Variants in TM9SF2 observed in about 807,000 individuals in gnomAD.
TM9SF2 encodes 76 kDa membrane protein.
Under a neutral mutation model 84.9 loss-of-function variants are expected in TM9SF2, and 13 were observed. The ratio of observed to expected loss-of-function variants is 0.15; its 90% CI spans 0.10 to 0.24. The LOEUF is 0.24. TM9SF2 is among the 10% of genes least tolerant of loss of function. TM9SF2 has a pLI of 1.00. For synonymous variants in TM9SF2, 273 were observed against 285.8 expected (o/e 0.96, Z 0.45); for missense variants, 562 against 818.5 (o/e 0.69, Z 3.82).
At chr13:99,537,257 C>T (rs2046238782) in intron 5 of TM9SF2, among the ~76,000 whole-genome samples, 1 of 152,028 alleles carries the variant, frequency 6.6e-6, no homozygotes, top group South Asian at 2.1e-4. Context: ...ATTTAAATCT[C>T]TTAATGGATC....
chr13:99,531,415 C>T (rs932703535), intron 4 of TM9SF2, among the ~76,000 whole-genome samples: 5 of 152,224 alleles, frequency 3.3e-5, no homozygotes, highest in South Asian at 4.2e-4. Context: ...GGTTAGGAAC[C>T]GTGGATCTCA....
intron 15 of TM9SF2, among the ~76,000 whole-genome samples, chr13:99,558,205 A>T (rs1047537081): frequency 6.6e-6 from 1 of 152,234 alleles, no homozygotes; most frequent in Admixed American, 6.5e-5. Flanking sequence ...CCTGTACCAC[A>T]CTATTTTGAT....
Position 99,562,787 on chromosome 13 carries a change from A to C in TM9SF2, c.*29A>C. 3.7e-6 allele frequency: 6 copies of C among 1,600,620 alleles called. No individual in the cohort carries two copies. The highest frequency in any genetic ancestry group is 5.1e-6 in the Non-Finnish European group (6 of 1,173,766). ...AGTCCAGTGTGTCCAGTTAAAACAG[A>C]AATAAATTAAACTCTTCATCAACAA... is the stretch of plus-strand genomic sequence containing the variant. On this transcript the variant is annotated 3_prime_UTR_variant, in exon 17 of 17. Transcript: ENST00000376387.
intron 10 of TM9SF2, among the ~76,000 whole-genome samples, chr13:99,545,042 T>G (rs927450645): frequency 6.6e-6 from 1 of 152,204 alleles, no homozygotes; most frequent in African/African-American, 2.4e-5. Flanking sequence ...TTAATGTATT[T>G]TACTTTATTG....
chr13:99,546,802 A>T (rs2046284573), intron 10 of TM9SF2, among the ~76,000 whole-genome samples, 183 bp from the exon 11 acceptor site: 1 of 152,120 alleles, frequency 6.6e-6, no homozygotes, highest in South Asian at 2.1e-4. Flanking sequence ...CTCATGTATG[A>T]TCAGATTGGT....
chr13:99,546,353 A>G (rs2046282454), intron 10 of TM9SF2, among the ~76,000 whole-genome samples: 1 of 152,216 alleles, frequency 6.6e-6, no homozygotes. Flanking sequence ...AATATAATAT[A>G]GCATTTTAAT....
At chr13:99,502,666 A>C (rs756055677) in intron 1 of TM9SF2, among the ~76,000 whole-genome samples, 1 of 152,240 alleles carries the variant, frequency 6.6e-6, no homozygotes, top group East Asian at 1.9e-4. Flanking sequence ...GTAGGGCTTT[A>C]CAGTATACAT....
At chr13:99,555,017 C>G (rs537093506) in intron 14 of TM9SF2, among the ~76,000 whole-genome samples, 39 of 152,242 alleles carry the variant, frequency 2.6e-4, no homozygotes, top group African/African-American at 9.1e-4. Context: ...GTGTGTATAT[C>G]TATATATAGT....
chr13:99,539,756 A>G (rs2046250329), intron 7 of TM9SF2, among the ~76,000 whole-genome samples, 199 bp downstream of exon 7: 1 of 152,228 alleles, frequency 6.6e-6, no homozygotes, highest in South Asian at 2.1e-4. Flanking sequence ...ATATAGAGGA[A>G]GTTGAAGACT....
chr13:99,508,694 A>G (rs529862757), intron 1 of TM9SF2, among the ~76,000 whole-genome samples: 1 of 152,298 alleles, frequency 6.6e-6, no homozygotes, highest in East Asian at 1.9e-4. Context: ...AGGAGCAGGC[A>G]TGTCACATGG....
intron 12 of TM9SF2, among the ~76,000 whole-genome samples, chr13:99,549,505 C>T (rs546282814): frequency 6.6e-6 from 1 of 152,114 alleles, no homozygotes; most frequent in Non-Finnish European, 1.5e-5. Flanking sequence ...ACATGTTGTT[C>T]TGTAGGCTGC....
chr13:99,551,681 G>A (rs1456039464), intron 12 of TM9SF2, among the ~76,000 whole-genome samples: 1 of 152,194 alleles, frequency 6.6e-6, no homozygotes, highest in Admixed American at 6.5e-5. Flanking sequence ...ACATTTAGAT[G>A]TTTGGGTTCA....
chr13:99,543,994 A>T lies in TM9SF2; in HGVS notation c.1149A>T (p.Leu383=). Residue 383 remains leucine, a splice_region_variant and synonymous_variant, in exon 10 of 17, where the codon CTA becomes CTT. Coordinates refer to ENST00000376387, the MANE Select transcript of TM9SF2 (RefSeq NM_004800.3). The part of the protein sequence containing the change: ...TQILIMTFVT[L]FFACLGFLSP... ...TTTTAATTATGACCTTTGTGACTCT[A>T]TGTAAGTGTTAACTGAAAATTTTCA... The T allele has an allele frequency of 6.2e-7, 1 of 1,612,222 alleles. No homozygotes were observed. The highest frequency in any genetic ancestry group is 8.5e-7 in the Non-Finnish European group (1 of 1,179,432).
chr13:99,538,347 A>G (rs1364092893), intron 6 of TM9SF2, among the ~76,000 whole-genome samples: 1 of 152,034 alleles, frequency 6.6e-6, no homozygotes, highest in Non-Finnish European at 1.5e-5. Flanking sequence ...GAACGTACAT[A>G]TCAGTTATTT....
intron 1 of TM9SF2, among the ~76,000 whole-genome samples, chr13:99,504,786 G>T (rs2046081660): frequency 1.3e-5 from 2 of 151,992 alleles, no homozygotes. Context: ...TATTTTACAT[G>T]TGCGTGCATT....
At chr13:99,505,405 T>A (rs867842415) in intron 1 of TM9SF2, among the ~76,000 whole-genome samples, 1 of 152,356 alleles carries the variant, frequency 6.6e-6, no homozygotes, top group Middle Eastern at 3.4e-3. Flanking sequence ...TTCACCCACT[T>A]CAGCCTCCCA....
chr13:99,540,330 TG>T (rs1212113052), intron 7 of TM9SF2, among the ~76,000 whole-genome samples: 2 of 151,616 alleles, frequency 1.3e-5, no homozygotes, highest in African/African-American at 4.9e-5. Flanking sequence ...CTGGAATGAC[TG>T]GTCTGGTTAG....
chr13:99,546,272 A>G (rs2046282186), intron 10 of TM9SF2, among the ~76,000 whole-genome samples: 1 of 152,166 alleles, frequency 6.6e-6, no homozygotes, highest in Admixed American at 6.5e-5. Context: ...TCTCAGCAGT[A>G]TCCTACTCAC....
At chr13:99,542,485 T>G (rs1288140402) in intron 9 of TM9SF2, among the ~76,000 whole-genome samples, 1 of 152,206 alleles carries the variant, frequency 6.6e-6, no homozygotes, top group Non-Finnish European at 1.5e-5. Flanking sequence ...CATTTTCTAC[T>G]CTTCATTTCA....
Sources: gnomAD v4.1 joint callset for allele counts (sites outside exome capture counted in the v4.1 genomes callset) on GRCh38, gnomAD v4.1.1 for gene constraint, MANE v1.5 for transcripts, NCBI Gene and HGNC (gene_info 2026-07-23, HGNC 2026-07-21) for gene names.